The following RBM47 variants were observed in gnomAD, a reference collection of about 807,000 sequenced individuals.
The protein encoded by RBM47 is RNA binding motif protein 47.
RBM47 carries 21 observed loss-of-function variants against 47.1 expected under a neutral mutation model. The observed-to-expected ratio is 0.45, with a 90% CI of 0.32 to 0.64. RBM47 has a LOEUF of 0.64. Among genes scored for constraint, RBM47 ranks in the 30% least tolerant of loss-of-function variants. RBM47 has a pLI of 0.05. For missense variants in RBM47, 708 were observed against 870.9 expected (o/e 0.81, Z 2.35); for synonymous variants, 375 against 361.7 (o/e 1.04, Z -0.42).
chr4:40,440,725 C>T (rs1713494147), intron 3 of RBM47, among the ~76,000 whole-genome samples: 1 of 152,146 alleles, frequency 6.6e-6, no homozygotes, highest in African/African-American at 2.4e-5. Flanking sequence ...CTAGTGTTAG[C>T]TGCTCCATGC....
intron 2 of RBM47, among the ~76,000 whole-genome samples, chr4:40,517,531 T>TA (rs1044867914): frequency 1.4e-4 from 21 of 151,980 alleles, no homozygotes; most frequent in African/African-American, 2.2e-4. Context: ...TAAATTTTGA[T>TA]AAAAAAAAGT....
intron 2 of RBM47, among the ~76,000 whole-genome samples, chr4:40,470,529 A>G (rs1289272614): frequency 6.6e-6 from 1 of 152,124 alleles, no homozygotes. Context: ...TGTAGTTTTG[A>G]AAGCTGTTTC....
chr4:40,588,127 A>G (rs541209264), intron 1 of RBM47, among the ~76,000 whole-genome samples: 9 of 152,364 alleles, frequency 5.9e-5, no homozygotes, highest in Admixed American at 5.9e-4. Context: ...CAGTTGCCAC[A>G]TAAAATAAAG....
Position 40,438,116 on chromosome 4 carries a change from C to T in RBM47, c.778G>A (p.Asp260Asn), listed in dbSNP as rs1186071519. 3.7e-6 allele frequency: 6 copies of T among 1,613,428 alleles called. No homozygotes were observed. The highest frequency in any genetic ancestry group is 2.2e-5 in the East Asian group (1 of 44,878). ...VRNLMIETTE[D>N]TIKKSFGQFN... ...TGGCCGAAGCTCTTCTTGATGGTGT[C>T]CTCGGTGGTCTCGATCATGAGGTTG... Residue 260 changes from aspartate (D) to asparagine (N), a missense_variant, in exon 4 of 7, where the codon GAC (aspartate) becomes AAC (asparagine). Physicochemically the swap from Asp to Asn is conservative, Grantham distance 23. Transcript: ENST00000295971.
chr4:40,515,041 A>G (rs549414594), intron 2 of RBM47, among the ~76,000 whole-genome samples: 3 of 152,342 alleles, frequency 2.0e-5, no homozygotes, highest in Admixed American at 6.5e-5. Context: ...GCAACTCAAA[A>G]AGTGCTCATA....
chr4:40,626,967 C>T (rs902207509), intron 1 of RBM47, among the ~76,000 whole-genome samples: 6 of 152,180 alleles, frequency 3.9e-5, no homozygotes, highest in Non-Finnish European at 7.3e-5. Context: ...ATCTTGAAAC[C>T]CAGGTCATCT....
intron 2 of RBM47, among the ~76,000 whole-genome samples, chr4:40,518,202 T>C (rs1725827652): frequency 7.8e-6 from 1 of 128,006 alleles, no homozygotes; most frequent in African/African-American, 3.1e-5. Context: ...GAAGTCTCAC[T>C]CTGTCACCCA....
chr4:40,464,676 G>A (rs1282192628), intron 3 of RBM47, among the ~76,000 whole-genome samples: 2 of 151,636 alleles, frequency 1.3e-5, no homozygotes, highest in Non-Finnish European at 2.9e-5. Flanking sequence ...GAGGCGGGAG[G>A]ATCACGAGGT....
chr4:40,625,581 G>A (rs937715132), intron 1 of RBM47, among the ~76,000 whole-genome samples: 5 of 152,102 alleles, frequency 3.3e-5, no homozygotes, highest in South Asian at 4.1e-4. Context: ...GGAACGGGTT[G>A]TCTTCCACCC....
chr4:40,599,140 C>A lies in RBM47; in HGVS notation c.-240+30256G>T, dbSNP rs191498761. 1.9e-3 allele frequency among the ~76,000 whole-genome samples: 285 copies of A among 151,844 alleles called. 1 individual carries two copies. The highest frequency in any genetic ancestry group is 6.7e-3 in the African/African-American group (277 of 41,386). On this transcript the variant is annotated intron_variant, in intron 1 of 6. Coordinates refer to ENST00000295971, the MANE Select transcript of RBM47 (RefSeq NM_001098634.2). The stretch of plus-strand genomic sequence containing the variant: ...AGGTGTGGTGGCACACCCCTGTAAT[C>A]CCAGCTACATAGGAGGTTGAGGCAA...
chr4:40,535,672 G>A (rs988966924), intron 2 of RBM47, among the ~76,000 whole-genome samples: 3 of 152,016 alleles, frequency 2.0e-5, no homozygotes, highest in African/African-American at 7.2e-5. Flanking sequence ...CGATTCTCCT[G>A]CCTCAGTCTA....
chr4:40,572,320 T>C (rs758286239), intron 1 of RBM47, among the ~76,000 whole-genome samples: 14 of 151,424 alleles, frequency 9.2e-5, no homozygotes, highest in Admixed American at 1.3e-4. Context: ...GAGGCGGAGG[T>C]TGCGCCACTG....
chr4:40,611,650 C>A (rs1008071067), intron 1 of RBM47, among the ~76,000 whole-genome samples: 24 of 152,056 alleles, frequency 1.6e-4, no homozygotes, highest in Non-Finnish European at 3.2e-4. Flanking sequence ...ATCGCTTGAA[C>A]CCGGGAGGCA....
intron 2 of RBM47, among the ~76,000 whole-genome samples, chr4:40,499,067 A>G (rs182577124): frequency 2.3e-4 from 35 of 152,214 alleles, no homozygotes; most frequent in African/African-American, 7.9e-4. Flanking sequence ...AATAAATAAA[A>G]GAAGACTTAG....
At position 40,507,604 on chromosome 4, in the gene RBM47, T is replaced by C. The variant is rs1299702774; in HGVS notation, c.-155+36818A>G. Among the ~76,000 whole-genome samples the C allele has an allele frequency of 3.9e-5, 6 of 152,148 alleles. No homozygotes were observed. In the East Asian group the frequency reaches 9.7e-4, roughly 25 times the overall value. ...GAATTCAAGACCAGCCTGGCCAAGA[T>C]GGTGAAACCCCGTCTCTACTAAAAA... On this transcript the variant is annotated intron_variant, in intron 2 of 6. Coordinates refer to ENST00000295971, the MANE Select transcript of RBM47 (RefSeq NM_001098634.2).
chr4:40,624,493 A>C (rs1737550212), intron 1 of RBM47, among the ~76,000 whole-genome samples: 2 of 152,180 alleles, frequency 1.3e-5, no homozygotes, highest in African/African-American at 4.8e-5. Flanking sequence ...TTTATAATCT[A>C]ACTAAATTCT....
Position 40,437,852 on chromosome 4 carries a change from A to G in RBM47, c.1042T>C (p.Ser348Pro), listed in dbSNP as rs1712911259. 2 of 1,614,048 alleles carry G rather than the reference A, an allele frequency of 1.2e-6. No individual in the cohort carries two copies. Among genetic ancestry groups the G allele is most frequent in the Middle Eastern group, 3.3e-4 (2 of 6,062 alleles). The change falls in exon 4 of 7, where the codon TCC (serine) becomes CCC (proline). Residue 348 changes from serine (S) to proline (P), a missense_variant. Transcript: ENST00000295971. ...EAAQQPSYVYSCDPYTLAYYG... is the reference protein window; with the variant it reads ...EAAQQPSYVYPCDPYTLAYYG... The stretch of plus-strand genomic sequence containing the variant: ...TAGGCCAGTGTGTAGGGGTCGCAGG[A>G]GTACACGTAGCTGGGCTGCTGCGCT...
chr4:40,534,060 A>G (rs988006057), intron 2 of RBM47, among the ~76,000 whole-genome samples: 2 of 151,318 alleles, frequency 1.3e-5, no homozygotes, highest in African/African-American at 4.9e-5. Flanking sequence ...GGTGATCCAC[A>G]TGCCTCGGCC....
intron 1 of RBM47, among the ~76,000 whole-genome samples, chr4:40,558,345 C>T (rs1209879775): frequency 6.6e-6 from 1 of 151,990 alleles, no homozygotes; most frequent in Non-Finnish European, 1.5e-5. Context: ...TTTAGACATT[C>T]ATTTACTCAA....
Sources: gnomAD v4.1 joint callset for allele counts (sites outside exome capture counted in the v4.1 genomes callset) on GRCh38, gnomAD v4.1.1 for gene constraint, MANE v1.5 for transcripts, NCBI Gene and HGNC (gene_info 2026-07-23, HGNC 2026-07-21) for gene names.